Variants in SPOCK1 observed in about 807,000 individuals in gnomAD.
SPOCK1 encodes SPARC (osteonectin), cwcv and kazal like domains proteoglycan 1, also known as testican-1.
A neutral mutation model predicts 55.3 loss-of-function variants in SPOCK1; 23 were observed. The observed-to-expected ratio is 0.42, with a 90% CI of 0.30 to 0.59. The LOEUF (loss-of-function observed/expected upper bound fraction) is 0.59. SPOCK1 is among the 20% of genes least tolerant of loss of function. The probability of loss-of-function intolerance (pLI) is 0.22; values close to 1 mark genes in which losing one functional copy is unlikely to be tolerated. For missense variants in SPOCK1, 499 were observed against 552.5 expected, an observed-to-expected ratio of 0.90 and a Z score of 0.97; for synonymous variants, 226 against 221.0, an observed-to-expected ratio of 1.02 and a Z score of -0.20.
At chr5:137,247,472 A>T (rs188903850) in intron 3 of SPOCK1, among the ~76,000 whole-genome samples, 268 of 152,300 alleles carry the variant, frequency 1.8e-3, no homozygotes, top group African/African-American at 6.2e-3. Context: ...TTTCTTTGCA[A>T]TCTGTCTTCT....
intron 2 of SPOCK1, among the ~76,000 whole-genome samples, chr5:137,407,621 T>G (rs114665329): frequency 6.6e-6 from 1 of 152,176 alleles, no homozygotes; most frequent in Non-Finnish European, 1.5e-5. Context: ...ACCACATTCT[T>G]GAGTCCAAAC....
chr5:137,272,147 C>T (rs1187408814), intron 2 of SPOCK1, among the ~76,000 whole-genome samples: 1 of 152,148 alleles, frequency 6.6e-6, no homozygotes, highest in East Asian at 1.9e-4. Flanking sequence ...CAGATGGAGG[C>T]ACACTCCACT....
chr5:137,346,419 G>T (rs1037908188), intron 2 of SPOCK1, among the ~76,000 whole-genome samples: 5 of 152,136 alleles, frequency 3.3e-5, no homozygotes, highest in African/African-American at 9.7e-5. Flanking sequence ...ACCCCAACCT[G>T]CTTCCAGCTA....
At chr5:137,146,479 C>T (rs904006206) in intron 3 of SPOCK1, among the ~76,000 whole-genome samples, 10 of 152,164 alleles carry the variant, frequency 6.6e-5, no homozygotes, top group Admixed American at 1.3e-4. Context: ...CTGAGTCATG[C>T]GATCCCAAGG....
intron 2 of SPOCK1, among the ~76,000 whole-genome samples, chr5:137,424,299 T>A (rs1168731642): frequency 6.6e-6 from 1 of 152,180 alleles, no homozygotes; most frequent in Non-Finnish European, 1.5e-5. Flanking sequence ...GACGATCACT[T>A]GATCCCAGGA....
At chr5:136,980,509 T>G (rs1233564907) in intron 9 of SPOCK1, among the ~76,000 whole-genome samples, 1 of 152,144 alleles carries the variant, frequency 6.6e-6, no homozygotes, top group African/African-American at 2.4e-5. Flanking sequence ...AGGAGGTAAT[T>G]GAATCATGGG....
chr5:137,498,453 C>G lies in SPOCK1; in HGVS notation c.106G>C (p.Gly36Arg), dbSNP rs200001053. 8.9e-5 allele frequency: 143 copies of G among 1,610,768 alleles called. No homozygotes were observed. The highest frequency in any genetic ancestry group is 1.2e-4 in the Non-Finnish European group (137 of 1,179,154). The change falls in exon 2 of 11, where the codon GGC becomes CGC. Residue 36 changes from glycine (G) to arginine (R), a missense_variant. Physicochemically the swap from Gly to Arg is moderately radical, Grantham distance 125. This residue lies in a region of SPOCK1 where 386 missense variants were observed against 400.6 expected (regional missense o/e 0.96). Transcript: ENST00000394945. ...ALAGGAGPNH[G>R]NFLDNDQWLS... ...CACTGGTCATTGTCTAGGAAATTGCCGTGGTTGGGGCCCGCGCCTCCGGCG... is the reference window on the plus strand; with the variant it reads ...CACTGGTCATTGTCTAGGAAATTGCGGTGGTTGGGGCCCGCGCCTCCGGCG...
chr5:137,036,100 G>T (rs1056336204), intron 6 of SPOCK1, among the ~76,000 whole-genome samples: 6 of 152,262 alleles, frequency 3.9e-5, no homozygotes, highest in East Asian at 1.9e-4. Context: ...CAGCAAAAAA[G>T]GACTAAGCAA....
intron 2 of SPOCK1, among the ~76,000 whole-genome samples, chr5:137,399,482 T>C (rs1485700462): frequency 6.6e-6 from 1 of 151,984 alleles, no homozygotes; most frequent in Non-Finnish European, 1.5e-5. Context: ...GATAAGTATA[T>C]ACTCATGAAA....
intron 2 of SPOCK1, among the ~76,000 whole-genome samples, chr5:137,370,006 C>G (rs1751162897): frequency 6.6e-6 from 1 of 152,210 alleles, no homozygotes; most frequent in Non-Finnish European, 1.5e-5. Context: ...CCGTGATTTA[C>G]TGGGATCCCA....
intron 2 of SPOCK1, among the ~76,000 whole-genome samples, chr5:137,392,218 GT>G (rs1409539242): frequency 1.3e-5 from 2 of 152,110 alleles, no homozygotes; most frequent in Non-Finnish European, 2.9e-5. Flanking sequence ...CCTCCCTGCT[GT>G]TTATATTTCC....
intron 2 of SPOCK1, among the ~76,000 whole-genome samples, chr5:137,386,304 A>G (rs1418740498): frequency 6.6e-6 from 1 of 152,226 alleles, no homozygotes; most frequent in Non-Finnish European, 1.5e-5. Flanking sequence ...TCCCAACTTG[A>G]TCTGGAGATT....
intron 2 of SPOCK1, among the ~76,000 whole-genome samples, chr5:137,306,726 C>T (rs1433324294): frequency 2.0e-5 from 3 of 151,176 alleles, no homozygotes; most frequent in East Asian, 1.9e-4. Flanking sequence ...TTTTCAGACC[C>T]GACCATGTTT....
At chr5:137,216,654 T>C (rs531350692) in intron 3 of SPOCK1, among the ~76,000 whole-genome samples, 2 of 152,168 alleles carry the variant, frequency 1.3e-5, no homozygotes, top group Non-Finnish European at 2.9e-5. Context: ...GAGACTGCAG[T>C]GAGCCAAGAT....
At chr5:137,202,277 G>A (rs920306987) in intron 3 of SPOCK1, among the ~76,000 whole-genome samples, 3 of 152,182 alleles carry the variant, frequency 2.0e-5, no homozygotes, top group Non-Finnish European at 2.9e-5. Flanking sequence ...AAGTCATGGG[G>A]GAAGGTATGG....
chr5:137,081,890 T>C (rs897646167), intron 5 of SPOCK1, among the ~76,000 whole-genome samples: 5 of 152,244 alleles, frequency 3.3e-5, no homozygotes, highest in African/African-American at 1.2e-4. Flanking sequence ...GATTCTCTGA[T>C]GATGGAGCTG....
Position 137,085,158 on chromosome 5 carries a change from G to A in SPOCK1, c.475-17329C>T, listed in dbSNP as rs73790689. On this transcript the variant is annotated intron_variant, in intron 5 of 10. Coordinates refer to ENST00000394945, the MANE Select transcript of SPOCK1 (RefSeq NM_004598.4). ...GGAGGTGGCAAGGCACCTCAGGGTC[G>A]GAGGGTTCCCTAAGTGGCACTACTG... 3.8e-3 allele frequency among the ~76,000 whole-genome samples: 575 copies of A among 152,268 alleles called. 5 individuals are homozygous for A. The highest frequency in any genetic ancestry group is 0.013 in the African/African-American group (534 of 41,552).
At chr5:137,366,711 C>A (rs1751074412) in intron 2 of SPOCK1, among the ~76,000 whole-genome samples, 1 of 152,102 alleles carries the variant, frequency 6.6e-6, no homozygotes, top group Non-Finnish European at 1.5e-5. Flanking sequence ...TTGAGTCCTG[C>A]CAAGATATAA....
intron 5 of SPOCK1, among the ~76,000 whole-genome samples, chr5:137,087,166 C>A (rs1752975066): frequency 6.6e-6 from 1 of 152,184 alleles, no homozygotes; most frequent in African/African-American, 2.4e-5. Context: ...CAGGCACAGT[C>A]TTTTTTTCTT....
Sources: gnomAD v4.1 joint callset for allele counts (sites outside exome capture counted in the v4.1 genomes callset) on GRCh38, gnomAD v4.1.1 for gene constraint, gnomAD v4.1.1 regional missense constraint, MANE v1.5 for transcripts, NCBI Gene and HGNC (gene_info 2026-07-23, HGNC 2026-07-21) for gene names.